Variants in PCCA observed in about 807,000 individuals in gnomAD.
The protein encoded by PCCA is propionyl-CoA carboxylase subunit alpha.
In PCCA, 74 loss-of-function variants were observed where a neutral mutation model predicts 101.3. The observed-to-expected ratio is 0.73, with a 90% confidence interval of 0.61 to 0.89. The LOEUF (loss-of-function observed/expected upper bound fraction) is 0.89. PCCA is among the 40% of genes least tolerant of loss of function. The probability of loss-of-function intolerance (pLI) is 0.00; values close to 1 mark genes in which losing one functional copy is unlikely to be tolerated. For synonymous variants in PCCA, 294 were observed against 313.6 expected, an observed-to-expected ratio of 0.94 and a Z score of 0.66; for missense variants, 891 against 907.0, an observed-to-expected ratio of 0.98 and a Z score of 0.23.
intron 4 of PCCA, among the ~76,000 whole-genome samples, chr13:100,133,726 C>T (rs563243392): frequency 2.2e-4 from 34 of 152,210 alleles, no homozygotes; most frequent in African/African-American, 7.9e-4. Flanking sequence ...AAGGGTGTTA[C>T]CAAAGGAGGT....
intron 8 of PCCA, among the ~76,000 whole-genome samples, chr13:100,246,185 A>C (rs2152538836): frequency 6.6e-6 from 1 of 152,332 alleles, no homozygotes; most frequent in South Asian, 2.1e-4. Flanking sequence ...CAATGTCCTG[A>C]ACTAGGGATC....
intron 17 of PCCA, among the ~76,000 whole-genome samples, chr13:100,339,006 A>T (rs2070918706): frequency 6.6e-6 from 1 of 151,670 alleles, no homozygotes; most frequent in Admixed American, 6.6e-5. Context: ...TGAATTGTAC[A>T]TTTGTTTCTT....
intron 12 of PCCA, among the ~76,000 whole-genome samples, chr13:100,294,855 C>T (rs1263130518): frequency 6.6e-6 from 1 of 152,118 alleles, no homozygotes; most frequent in Non-Finnish European, 1.5e-5. Flanking sequence ...CACAGGTATA[C>T]GCACCTTCAT....
intron 18 of PCCA, among the ~76,000 whole-genome samples, chr13:100,364,389 G>A (rs908610863): frequency 6.6e-6 from 1 of 152,160 alleles, no homozygotes; most frequent in Non-Finnish European, 1.5e-5. Flanking sequence ...AAATCTGTCT[G>A]TGCTGGTTAA....
At chr13:100,192,426 AATACATG>A (rs1394145164) in intron 6 of PCCA, among the ~76,000 whole-genome samples, 4 of 152,208 alleles carry the variant, frequency 2.6e-5, no homozygotes, top group Non-Finnish European at 5.9e-5. Context: ...AGGATGAATG[AATACATG>A]ACTGTGTTAA....
intron 16 of PCCA, among the ~76,000 whole-genome samples, chr13:100,318,258 G>A (rs1423409028): frequency 6.6e-6 from 1 of 152,060 alleles, no homozygotes; most frequent in African/African-American, 2.4e-5. Flanking sequence ...AGACCATGGT[G>A]TTTTCCTTTC....
At chr13:100,260,835 TTAG>T (rs1481170044) in intron 9 of PCCA, among the ~76,000 whole-genome samples, 13 of 151,870 alleles carry the variant, frequency 8.6e-5, no homozygotes, top group African/African-American at 1.2e-4. Context: ...AATTTTTCTA[TTAG>T]TAGTCTGTCA....
intron 6 of PCCA, among the ~76,000 whole-genome samples, chr13:100,196,798 T>A (rs1260270047): frequency 6.6e-6 from 1 of 152,238 alleles, no homozygotes; most frequent in Admixed American, 6.5e-5. Context: ...ATAGAACCTT[T>A]ACCCCCTTCC....
chr13:100,429,965 C>T (rs1280231405), intron 20 of PCCA, among the ~76,000 whole-genome samples: 1 of 151,932 alleles, frequency 6.6e-6, no homozygotes, highest in Non-Finnish European at 1.5e-5. Context: ...AACCTGTTTA[C>T]CCACTATCTA....
rs1251572354 is a variant in PCCA, at chr13:100,089,149, C to T, written c.29C>T (p.Pro10Leu). 2.6e-6 allele frequency: 4 copies of T among 1,523,238 alleles called. No homozygotes were observed. The highest frequency in any genetic ancestry group is 3.5e-6 in the Non-Finnish European group (4 of 1,136,354). The allele number at this position is 1,523,238 out of a possible 1,614,324, so 94.4% of individuals were successfully genotyped here. Residue 10 changes from proline (P) to leucine (L), a missense_variant, in exon 1 of 24, where the codon CCG (proline) becomes CTG (leucine). Physicochemically the swap from Pro to Leu is moderately conservative, Grantham distance 98 (BLOSUM62 -3). Transcript: ENST00000376285. ...GCGGGGTTCTGGGTCGGGACAGCAC[C>T]GCTGGTCGCTGCCGGACGGCGTGGG... Reference protein sequence around the residue: MAGFWVGTAPLVAAGRRGRW... With the variant: MAGFWVGTALLVAAGRRGRW...
chr13:100,418,141 A>G (rs1308809243), intron 19 of PCCA, among the ~76,000 whole-genome samples: 1 of 152,172 alleles, frequency 6.6e-6, no homozygotes, highest in Non-Finnish European at 1.5e-5. Context: ...GCCTGGCATT[A>G]TAGTCACTCA....
At chr13:100,403,213 A>T (rs529959977) in intron 19 of PCCA, among the ~76,000 whole-genome samples, 1 of 152,330 alleles carries the variant, frequency 6.6e-6, no homozygotes, top group East Asian at 1.9e-4. Context: ...CATTCAGCTT[A>T]GAAGTTGAGA....
chr13:100,294,450 CTT>C (rs543928743), intron 12 of PCCA, among the ~76,000 whole-genome samples: 2 of 149,420 alleles, frequency 1.3e-5, no homozygotes, highest in Non-Finnish European at 3.0e-5. Flanking sequence ...CGTGGTCACT[CTT>C]TTTTTTTTCC....
chr13:100,161,276 C>T (rs1248676324), intron 6 of PCCA: 1 of 152,092 alleles, frequency 6.6e-6, no homozygotes, highest in Non-Finnish European at 1.5e-5. Context: ...CTCCCCCGGC[C>T]CCCAGAAATT....
At chr13:100,130,665 GAT>G (rs2050414695) in intron 4 of PCCA, among the ~76,000 whole-genome samples, 1 of 152,166 alleles carries the variant, frequency 6.6e-6, no homozygotes, top group South Asian at 2.1e-4. Context: ...GTAAATCAAT[GAT>G]AGATTAGTTT....
intron 21 of PCCA, among the ~76,000 whole-genome samples, chr13:100,497,087 C>T (rs1449077320): frequency 6.6e-6 from 1 of 152,150 alleles, no homozygotes; most frequent in Non-Finnish European, 1.5e-5. Flanking sequence ...CTCTTAATTC[C>T]ATAGTTCTCT....
chr13:100,273,121 A>G, intron 11 of PCCA, 75 bp from the exon 12 acceptor site: 1 of 1,080,080 alleles, frequency 9.3e-7, no homozygotes, highest in Non-Finnish European at 1.4e-6. Context: ...CTTTAAGAAA[A>G]TGTTTATGTA....
intron 21 of PCCA, among the ~76,000 whole-genome samples, chr13:100,467,877 C>A (rs1396430117): frequency 6.6e-6 from 1 of 152,222 alleles, no homozygotes; most frequent in Non-Finnish European, 1.5e-5. Context: ...TTAATAGCAT[C>A]TAGAGTGGTG....
At chr13:100,505,481 T>G (rs1052769604) in intron 21 of PCCA, among the ~76,000 whole-genome samples, 10 of 152,226 alleles carry the variant, frequency 6.6e-5, no homozygotes, top group African/African-American at 2.4e-4. Context: ...TGTAATCTAT[T>G]TGCTCTCAAA....
Sources: allele counts gnomAD v4.1 joint callset (sites outside exome capture counted in the v4.1 genomes callset), GRCh38; gene constraint gnomAD v4.1.1; transcripts MANE v1.5; gene names NCBI Gene and HGNC (gene_info 2026-07-23, HGNC 2026-07-21).